Variants in PRKAR2B observed in about 807,000 individuals in gnomAD.
The protein encoded by PRKAR2B is cAMP-dependent protein kinase type II-beta regulatory subunit.
PRKAR2B carries 14 observed loss-of-function variants against 49.9 expected under a neutral mutation model. That is an observed-to-expected ratio of 0.28 (90% confidence interval 0.19 to 0.44). PRKAR2B has a LOEUF of 0.44. Among genes scored for constraint, PRKAR2B ranks in the 20% least tolerant of loss-of-function variants. The pLI, the probability that PRKAR2B is intolerant of heterozygous loss-of-function variation, is 1.00. For synonymous variants in PRKAR2B, 196 were observed against 197.7 expected (o/e 0.99, Z 0.07); for missense variants, 393 against 537.9 (o/e 0.73, Z 2.67).
chr7:107,141,830 A>G (rs1227809277), intron 5 of PRKAR2B, among the ~76,000 whole-genome samples: 6 of 152,328 alleles, frequency 3.9e-5, no homozygotes, highest in African/African-American at 1.4e-4. Flanking sequence ...CCTTCCAAGA[A>G]TTGTATATTA....
chr7:107,157,456 C>CCTG, intron 10 of PRKAR2B, 132 bp downstream of exon 10: 1 of 1,140,056 alleles, frequency 8.8e-7, no homozygotes, highest in Non-Finnish European at 1.2e-6. Context: ...AAGATTAGGA[C>CCTG]TCATTGCCTT....
chr7:107,094,302 T>C (rs1404723060), intron 2 of PRKAR2B, among the ~76,000 whole-genome samples: 1 of 152,262 alleles, frequency 6.6e-6, no homozygotes, highest in Non-Finnish European at 1.5e-5. Context: ...GCTGCATAAA[T>C]GTCTTCTTTT....
Position 107,146,289 on chromosome 7 carries a change from A to G in PRKAR2B, c.588-19A>G, listed in dbSNP as rs1250649330. On this transcript the variant is annotated intron_variant, in intron 5 of 10. Transcript: ENST00000265717. ...GATATTTTATTTGAATTAACCTCCA[A>G]TCTACATATGTCCAACAGAGGCACA... is the stretch of plus-strand genomic sequence containing the variant. 3 of 1,606,110 alleles carry G rather than the reference A, an allele frequency of 1.9e-6. No homozygotes were observed. Among genetic ancestry groups the G allele is most frequent in the South Asian group, 1.1e-5 (1 of 89,916 alleles).
At chr7:107,157,975 T>A (rs999130219) in intron 10 of PRKAR2B, among the ~76,000 whole-genome samples, 1 of 152,216 alleles carries the variant, frequency 6.6e-6, no homozygotes, top group African/African-American at 2.4e-5. Context: ...TCTCTGTGCT[T>A]TTCATCCATA....
chr7:107,051,926 C>G (rs114990490), intron 1 of PRKAR2B, among the ~76,000 whole-genome samples: 2,788 of 152,090 alleles, frequency 0.018, 92 homozygotes, highest in African/African-American at 0.065. Context: ...ATTAGCTGTT[C>G]CAAGACAAAA....
intron 3 of PRKAR2B, among the ~76,000 whole-genome samples, chr7:107,126,420 C>CAAAAAAAAAAAAAAAAAAAAAAAAAA (rs35682952): frequency 1.3e-4 from 5 of 38,400 alleles, no homozygotes; most frequent in Non-Finnish European, 2.1e-4. Flanking sequence ...GAATCTGTCT[C>CAAAAAAAAAAAAAAAAAAAAAAAAAA]AAAAAAAAAA....
chr7:107,094,399 G>C (rs1794796329), intron 2 of PRKAR2B, among the ~76,000 whole-genome samples: 1 of 152,088 alleles, frequency 6.6e-6, no homozygotes, highest in Non-Finnish European at 1.5e-5. Flanking sequence ...TGTAGATTCT[G>C]GATATTAGCC....
intron 6 of PRKAR2B, among the ~76,000 whole-genome samples, chr7:107,147,638 C>T (rs940752468): frequency 2.6e-5 from 4 of 152,190 alleles, no homozygotes; most frequent in African/African-American, 9.7e-5. Context: ...TTGCATTTCT[C>T]ATCAGCTCCC....
At chr7:107,114,325 TGTGTGTGTG>T (rs1795228705) in intron 2 of PRKAR2B, among the ~76,000 whole-genome samples, 1 of 2,376 alleles carries the variant, frequency 4.2e-4, no homozygotes, top group Non-Finnish European at 8.4e-4. Context: ...CATGTACAGC[TGTGTGTGTG>T]TGTGTGTGTG....
intron 2 of PRKAR2B, among the ~76,000 whole-genome samples, chr7:107,107,196 G>A (rs984559713): frequency 6.6e-6 from 1 of 152,106 alleles, no homozygotes; most frequent in East Asian, 1.9e-4. Context: ...AATTAGCCAG[G>A]CATGGTGGTG....
chr7:107,077,202 A>G (rs995765671), intron 2 of PRKAR2B: 1 of 152,208 alleles, frequency 6.6e-6, no homozygotes, highest in Non-Finnish European at 1.5e-5. Context: ...ACTTGGGAAT[A>G]CATATTGGGA....
In PRKAR2B at chr7:107,050,333, C is replaced by CTTTTTTTTTTT. The variant is rs57752789; in HGVS notation, c.307+5138_307+5148dup. On this transcript the variant is annotated intron_variant, in intron 1 of 10. Transcript: ENST00000265717. ...TTATTTTAGATAAGACAGTTACCAG[C>CTTTTTTTTTTT]TTTTTTTTTTTTTTTTTTTTTTTTT... Among the ~76,000 whole-genome samples the CTTTTTTTTTTT allele has an allele frequency of 2.3e-4, 16 of 68,596 alleles. 3 individuals are homozygous for CTTTTTTTTTTT. The highest frequency in any genetic ancestry group is 1.1e-3 in the African/African-American group (16 of 13,960). The allele number at this position is 68,596 out of a possible 152,430, so 45.0% of individuals were successfully genotyped here.
chr7:107,073,614 A>G (rs1282685273), intron 2 of PRKAR2B, among the ~76,000 whole-genome samples: 1 of 152,188 alleles, frequency 6.6e-6, no homozygotes, highest in African/African-American at 2.4e-5. Flanking sequence ...TGAAATCCAG[A>G]TATATCTCTG....
chr7:107,099,060 T>G lies in PRKAR2B; in HGVS notation c.344-22892T>G, dbSNP rs141772274. ...CTTCAAAGCTGTCAGACAGGGACAT[T>G]TAAGTCTGCAGAAGTTTTTGGTGCC... On this transcript the variant is annotated intron_variant, in intron 2 of 10. Transcript: ENST00000265717. Among the ~76,000 whole-genome samples the G allele has an allele frequency of 3.0e-3, 453 of 152,286 alleles. 4 individuals carry two copies. Among genetic ancestry groups the G allele is most frequent in the African/African-American group, 0.01 (430 of 41,558 alleles).
chr7:107,106,714 G>C (rs150732170), intron 2 of PRKAR2B, among the ~76,000 whole-genome samples: 9 of 152,232 alleles, frequency 5.9e-5, no homozygotes, highest in African/African-American at 1.9e-4. Context: ...GAGGCTAGCT[G>C]TAAAAGCCGG....
chr7:107,092,979 C>T (rs954872115), intron 2 of PRKAR2B, among the ~76,000 whole-genome samples: 2 of 152,188 alleles, frequency 1.3e-5, no homozygotes, highest in Non-Finnish European at 2.9e-5. Context: ...CAATATTTAT[C>T]CTTTGGTGAC....
intron 2 of PRKAR2B, among the ~76,000 whole-genome samples, chr7:107,093,333 T>C (rs1270591221): frequency 6.6e-6 from 1 of 152,208 alleles, no homozygotes; most frequent in Non-Finnish European, 1.5e-5. Flanking sequence ...ACATTCCCAC[T>C]AACAGTTCAC....
intron 4 of PRKAR2B, among the ~76,000 whole-genome samples, chr7:107,139,307 C>T (rs893152547): frequency 3.0e-4 from 45 of 152,144 alleles, no homozygotes; most frequent in African/African-American, 1.1e-3. Flanking sequence ...CATTGGGGAA[C>T]CCCTAAGTCC....
intron 4 of PRKAR2B, among the ~76,000 whole-genome samples, chr7:107,139,646 C>T (rs1228013257): frequency 2.6e-5 from 4 of 152,190 alleles, no homozygotes; most frequent in African/African-American, 2.4e-5. Context: ...TGGGGCAGCT[C>T]TCTCTGCCAC....
Sources: allele counts gnomAD v4.1 joint callset (sites outside exome capture counted in the v4.1 genomes callset), GRCh38; gene constraint gnomAD v4.1.1; transcripts MANE v1.5; gene names NCBI Gene and HGNC (gene_info 2026-07-23, HGNC 2026-07-21).